Variants in CTNND2 observed in about 807,000 individuals in gnomAD.
CTNND2 encodes catenin delta-2.
A neutral mutation model predicts 144.4 loss-of-function variants in CTNND2; 22 were observed. The observed-to-expected ratio is 0.15, with a 90% CI of 0.11 to 0.22. CTNND2 has a LOEUF of 0.22. CTNND2 is among the 10% of genes least tolerant of loss of function. The probability of loss-of-function intolerance (pLI) is 1.00; values close to 1 mark genes in which losing one functional copy is unlikely to be tolerated. For missense variants in CTNND2, 1,353 were observed against 1,618.8 expected (o/e 0.84, Z 2.82); for synonymous variants, 751 against 695.6 (o/e 1.08, Z -1.25).
intron 1 of CTNND2, among the ~76,000 whole-genome samples, chr5:11,865,900 G>C (rs370817672): frequency 1.4e-4 from 1 of 7,044 alleles, no homozygotes; most frequent in Non-Finnish European, 4.8e-4. Context: ...AGCTGGAAGA[G>C]ACAAAAAAAA....
At chr5:11,867,216 T>A (rs1795811617) in intron 1 of CTNND2, among the ~76,000 whole-genome samples, 1 of 152,238 alleles carries the variant, frequency 6.6e-6, no homozygotes, top group Non-Finnish European at 1.5e-5. Flanking sequence ...TGCTAGAGGC[T>A]GTGGTACTAA....
intron 3 of CTNND2, among the ~76,000 whole-genome samples, chr5:11,450,738 A>C (rs1765233144): frequency 6.6e-6 from 1 of 152,016 alleles, no homozygotes; most frequent in Non-Finnish European, 1.5e-5. Context: ...TCCCTACTAA[A>C]AATGCAAAAA....
chr5:11,006,968 T>C (rs1372817029), intron 18 of CTNND2, among the ~76,000 whole-genome samples: 1 of 152,162 alleles, frequency 6.6e-6, no homozygotes, highest in African/African-American at 2.4e-5. Flanking sequence ...GGAATAAATA[T>C]ATATTTCTAT....
At chr5:11,250,485 CTCTCTCTATA>C (rs1482149794) in intron 9 of CTNND2, among the ~76,000 whole-genome samples, 19 of 67,840 alleles carry the variant, frequency 2.8e-4, no homozygotes, top group Middle Eastern at 6.7e-3. Context: ...CTCTCTCTCT[CTCTCTCTATA>C]TATATATATA....
At chr5:11,328,306 TC>T (rs1425609006) in intron 9 of CTNND2, among the ~76,000 whole-genome samples, 3 of 149,766 alleles carry the variant, frequency 2.0e-5, no homozygotes, top group Non-Finnish European at 1.5e-5. Context: ...TTTTTTTTTT[TC>T]CTCAAGACAG....
In CTNND2 at chr5:10,973,759, A is replaced by G. The variant is rs1736095183; in HGVS notation, c.3418-46T>C. On this transcript the variant is annotated intron_variant, in intron 21 of 21. Coordinates refer to ENST00000304623, the MANE Select transcript of CTNND2 (RefSeq NM_001332.4). This position sits in a 1 kb window ranked among gnomAD's most constrained non-coding sequence, Gnocchi z 5.6. The stretch of plus-strand genomic sequence containing the variant: ...ACACTGGGTTACTTGGTTTCCCTTG[A>G]CTCAGCCTGCCTCTTGCCCCGGCAC... 1 of 1,537,168 alleles carries G rather than the reference A, an allele frequency of 6.5e-7. No homozygotes were observed. The highest frequency in any genetic ancestry group is 1.4e-5 in the African/African-American group (1 of 72,690).
intron 2 of CTNND2, among the ~76,000 whole-genome samples, chr5:11,626,357 A>G (rs1399811048): frequency 6.6e-6 from 1 of 152,222 alleles, no homozygotes; most frequent in Non-Finnish European, 1.5e-5. Context: ...CTTAAAAATG[A>G]ACACTATACT....
chr5:11,079,539 A>C (rs928099075), intron 16 of CTNND2, among the ~76,000 whole-genome samples: 1 of 152,182 alleles, frequency 6.6e-6, no homozygotes, highest in African/African-American at 2.4e-5. Flanking sequence ...AGAGGGAGGC[A>C]TCAGAAGGCC....
rs773342277 is a variant in CTNND2, at chr5:11,199,463, G to C, written c.1960C>G (p.Arg654Gly). 6.8e-6 allele frequency: 11 copies of C among 1,613,938 alleles called. 1 individual carries two copies. In the South Asian group the frequency reaches 1.2e-4, roughly 18 times the overall value. Residue 654 changes from arginine (R) to glycine (G), a missense_variant, in exon 11 of 22, where the codon CGG (arginine) becomes GGG (glycine). This residue lies in a region of CTNND2 where 117 missense variants were observed against 117.8 expected (regional missense o/e 0.99). Transcript: ENST00000304623. Reference protein sequence around the residue: ...LLRKTTDLEIRELVTGVLWNL... With the variant: ...LLRKTTDLEIGELVTGVLWNL... ...TGATTCTAACCTGTGACCAGCTCCCGGATCTCCAGGTCAGTCGTCTTGCGG... is the reference window on the plus strand; with the variant it reads ...TGATTCTAACCTGTGACCAGCTCCCCGATCTCCAGGTCAGTCGTCTTGCGG...
At chr5:11,399,726 T>C (rs953253743) in intron 5 of CTNND2, among the ~76,000 whole-genome samples, 3 of 152,244 alleles carry the variant, frequency 2.0e-5, no homozygotes, top group Admixed American at 2.0e-4. Context: ...CATTACTCTA[T>C]TCATACATCT....
chr5:11,425,003 T>C (rs1324685890), intron 3 of CTNND2, among the ~76,000 whole-genome samples: 2 of 152,230 alleles, frequency 1.3e-5, no homozygotes, highest in Non-Finnish European at 2.9e-5. Flanking sequence ...CCAATCATAC[T>C]GCCCATTGCC....
At chr5:11,212,506 T>G (rs1183736392) in intron 10 of CTNND2, among the ~76,000 whole-genome samples, 1 of 152,216 alleles carries the variant, frequency 6.6e-6, no homozygotes, top group African/African-American at 2.4e-5. Context: ...GGCATCAGTA[T>G]GCCAGACAAT....
chr5:11,511,591 GA>G (rs1771653651), intron 3 of CTNND2, among the ~76,000 whole-genome samples: 1 of 152,132 alleles, frequency 6.6e-6, no homozygotes, highest in East Asian at 1.9e-4. Flanking sequence ...GCTATGCACT[GA>G]AAACATGCAT....
intron 11 of CTNND2, among the ~76,000 whole-genome samples, chr5:11,161,540 T>C (rs1374083442): frequency 1.3e-5 from 2 of 152,222 alleles, no homozygotes; most frequent in Non-Finnish European, 2.9e-5. Flanking sequence ...GTAATCTAAA[T>C]AATCAAAATG....
intron 9 of CTNND2, among the ~76,000 whole-genome samples, chr5:11,292,460 T>C (rs1240856374): frequency 1.5e-5 from 2 of 137,092 alleles, no homozygotes; most frequent in Non-Finnish European, 3.3e-5. Flanking sequence ...AATCCCCATG[T>C]GTGGAGGGCG....
intron 1 of CTNND2, among the ~76,000 whole-genome samples, chr5:11,798,854 G>A (rs1187975363): frequency 2.0e-5 from 3 of 152,124 alleles, no homozygotes; most frequent in Non-Finnish European, 4.4e-5. Flanking sequence ...GTGTTAAAAC[G>A]TACTGTATAC....
At chr5:11,682,520 C>A (rs1185299109) in intron 2 of CTNND2, among the ~76,000 whole-genome samples, 2 of 152,090 alleles carry the variant, frequency 1.3e-5, no homozygotes, top group Non-Finnish European at 2.9e-5. Flanking sequence ...AAGGATATTT[C>A]TTTGTGTAAA....
chr5:11,344,316 CG>C (rs1561250921), intron 9 of CTNND2, among the ~76,000 whole-genome samples: 1 of 151,636 alleles, frequency 6.6e-6, no homozygotes, highest in Non-Finnish European at 1.5e-5. Context: ...GGTGTGAACC[CG>C]GAAGGCGGAG....
At chr5:11,191,185 T>G (rs746115691) in intron 11 of CTNND2, among the ~76,000 whole-genome samples, 1 of 152,172 alleles carries the variant, frequency 6.6e-6, no homozygotes, top group East Asian at 1.9e-4. Context: ...GTTCCCCCAA[T>G]GGCAAGAGCA....
Sources: gnomAD v4.1 joint callset for allele counts (sites outside exome capture counted in the v4.1 genomes callset) on GRCh38, gnomAD v4.1.1 for gene constraint, gnomAD v4.1.1 regional missense constraint, Gnocchi (gnomAD v3.1) non-coding constraint, MANE v1.5 for transcripts, NCBI Gene and HGNC (gene_info 2026-07-23, HGNC 2026-07-21) for gene names.